The following AFF3 variants were observed in gnomAD, a reference collection of about 807,000 sequenced individuals.
AFF3 encodes the protein ALF transcription elongation factor 3.
A neutral mutation model predicts 129.7 loss-of-function variants in AFF3; 32 were observed. That is an observed-to-expected ratio of 0.25 (90% confidence interval 0.19 to 0.33). The LOEUF is 0.33. Ranked by LOEUF, AFF3 falls within the 10% of genes least tolerant of loss-of-function variation. AFF3 has a pLI of 1.00. For synonymous variants in AFF3, 644 were observed against 635.4 expected, an observed-to-expected ratio of 1.01 and a Z score of -0.20; for missense variants, 1,373 against 1,592.0, an observed-to-expected ratio of 0.86 and a Z score of 2.34.
rs954799223 is a variant in AFF3, at chr2:99,594,600, A to T, written c.1372-311T>A. Among the ~76,000 whole-genome samples the T allele has an allele frequency of 4.6e-5, 7 of 152,154 alleles. No individual in the cohort carries two copies. The South Asian group carries it at 6.2e-4, about 13-fold the overall frequency. On this transcript the variant is annotated intron_variant, in intron 14 of 24. Transcript: ENST00000672756. ...CTAGTACTTTTGAGTGTTAGTATAA[A>T]TTTTTTTATATAATTATATGTACAT...
At chr2:99,849,631 T>C (rs1690000141) in intron 7 of AFF3, among the ~76,000 whole-genome samples, 1 of 152,152 alleles carries the variant, frequency 6.6e-6, no homozygotes, top group African/African-American at 2.4e-5. Flanking sequence ...CTGATCAGTA[T>C]ATAAATACGA....
Position 99,558,885 on chromosome 2 carries a change from T to C in AFF3, c.3275A>G (p.Asp1092Gly), listed in dbSNP as rs1444769442. The change falls in exon 22 of 25, where the codon GAC (aspartate) becomes GGC (glycine). Residue 1092 changes from aspartate (D) to glycine (G), a missense_variant. Physicochemically the swap from Asp to Gly is moderately conservative, Grantham distance 94 (BLOSUM62 -1). This residue lies in a region of AFF3 where 165 missense variants were observed against 234.0 expected (regional missense o/e 0.71). Coordinates refer to ENST00000672756, the MANE Select transcript of AFF3 (RefSeq NM_001386135.1). ...HAVKYSKALI[D>G]YFKNSSKAAQ... is the part of the protein sequence containing the mutation. ...TTCACTAGACAGTACCTTGAAATAGTCGATTAGTGCTTTTGAATACTTTAC... is the reference window on the plus strand; with the variant it reads ...TTCACTAGACAGTACCTTGAAATAGCCGATTAGTGCTTTTGAATACTTTAC... 5.6e-6 allele frequency: 9 copies of C among 1,613,912 alleles called. No homozygotes were observed. The highest frequency in any genetic ancestry group is 2.2e-5 in the South Asian group (2 of 91,070).
chr2:100,052,186 G>T (rs1241833453), intron 4 of AFF3, among the ~76,000 whole-genome samples: 1 of 152,168 alleles, frequency 6.6e-6, no homozygotes, highest in Non-Finnish European at 1.5e-5. Flanking sequence ...TTTTACCAAA[G>T]AACCTTAATC....
At chr2:99,792,675 A>C (rs553197007) in intron 8 of AFF3, among the ~76,000 whole-genome samples, 1 of 152,302 alleles carries the variant, frequency 6.6e-6, no homozygotes, top group African/African-American at 2.4e-5. Flanking sequence ...GTTCAGAGTT[A>C]AATATATCTT....
At chr2:99,628,986 T>G (rs942185056) in intron 13 of AFF3, among the ~76,000 whole-genome samples, 8 of 152,014 alleles carry the variant, frequency 5.3e-5, no homozygotes, top group African/African-American at 1.9e-4. Flanking sequence ...CCTCCCAAAG[T>G]GCTGGGACTA....
chr2:99,606,476 C>T (rs974113241), intron 13 of AFF3, among the ~76,000 whole-genome samples: 74 of 152,078 alleles, frequency 4.9e-4, no homozygotes, highest in African/African-American at 1.6e-3. Context: ...AGCACAGTGC[C>T]TGGCACATAA....
At chr2:99,729,623 TG>T (rs1449590100) in intron 10 of AFF3, among the ~76,000 whole-genome samples, 1 of 152,156 alleles carries the variant, frequency 6.6e-6, no homozygotes, top group Non-Finnish European at 1.5e-5. Flanking sequence ...TAACTTGAAA[TG>T]TTTAAGTGTA....
At chr2:99,824,899 G>A (rs534148089) in intron 8 of AFF3, among the ~76,000 whole-genome samples, 1 of 152,300 alleles carries the variant, frequency 6.6e-6, no homozygotes, top group African/African-American at 2.4e-5. Context: ...TCAAAAAACA[G>A]TTAATTTAGG....
At chr2:99,833,699 C>T (rs1032543223) in intron 8 of AFF3, among the ~76,000 whole-genome samples, 2 of 152,026 alleles carry the variant, frequency 1.3e-5, no homozygotes, top group African/African-American at 4.8e-5. Context: ...AATGTTAATG[C>T]CATTCTACGT....
chr2:99,906,223 C>T (rs981458213), intron 7 of AFF3, among the ~76,000 whole-genome samples: 4 of 152,226 alleles, frequency 2.6e-5, no homozygotes, highest in Admixed American at 6.5e-5. Flanking sequence ...CAGATATTCA[C>T]TTGATTGTCT....
chr2:99,920,280 T>C (rs1695764069), intron 7 of AFF3, among the ~76,000 whole-genome samples: 1 of 151,902 alleles, frequency 6.6e-6, no homozygotes, highest in African/African-American at 2.4e-5. Context: ...AAATCCCTCA[T>C]GAGCACAGAT....
In AFF3 at chr2:99,629,080, A is replaced by T. The variant is rs553899088; in HGVS notation, c.1184+20546T>A. 2.1e-3 allele frequency among the ~76,000 whole-genome samples: 317 copies of T among 151,980 alleles called. 1 individual carries two copies. The highest frequency in any genetic ancestry group is 3.6e-3 in the Non-Finnish European group (247 of 67,956). On this transcript the variant is annotated intron_variant, in intron 13 of 24. Transcript: ENST00000672756. ...ACCATGTTGGCCAGGCTGGTCTCAA[A>T]CTCTTGACCTCAAGTGATCCACCTG...
chr2:99,872,240 C>G (rs546148580), intron 7 of AFF3, among the ~76,000 whole-genome samples: 2 of 143,902 alleles, frequency 1.4e-5, no homozygotes, highest in African/African-American at 5.1e-5. Flanking sequence ...AAAGGGAAAA[C>G]GGCACATGGC....
chr2:99,736,904 C>T (rs1680311898), intron 10 of AFF3, among the ~76,000 whole-genome samples: 1 of 152,150 alleles, frequency 6.6e-6, no homozygotes, highest in South Asian at 2.1e-4. Context: ...GCCACCACGC[C>T]CGGCCTTTAA....
intron 7 of AFF3, among the ~76,000 whole-genome samples, chr2:99,877,274 G>A (rs545589432): frequency 6.6e-6 from 1 of 152,320 alleles, no homozygotes; most frequent in South Asian, 2.1e-4. Context: ...TGAGAAGTGG[G>A]ATTGAGGGGG....
chr2:100,104,766 C>T, intron 3 of AFF3: 12 of 929,496 alleles, frequency 1.3e-5, no homozygotes, highest in Non-Finnish European at 1.5e-5. Context: ...GCCCCTCCTC[C>T]CCTCCCTCGC....
chr2:99,691,257 T>C (rs1026127938), intron 11 of AFF3, among the ~76,000 whole-genome samples: 1 of 152,182 alleles, frequency 6.6e-6, no homozygotes, highest in Non-Finnish European at 1.5e-5. Flanking sequence ...TCCGCCCATG[T>C]GGAGGAAAAG....
chr2:100,082,979 C>T (rs986487499), intron 4 of AFF3, among the ~76,000 whole-genome samples: 1 of 152,090 alleles, frequency 6.6e-6, no homozygotes. Flanking sequence ...ACTCAGGAGG[C>T]TAAGGCAGGA....
intron 13 of AFF3, among the ~76,000 whole-genome samples, chr2:99,612,587 T>C (rs1681040453): frequency 6.6e-6 from 1 of 152,272 alleles, no homozygotes; most frequent in Non-Finnish European, 1.5e-5. Context: ...TGTGAGGTAA[T>C]GGGCTTTCCA....
Sources: allele counts gnomAD v4.1 joint callset (sites outside exome capture counted in the v4.1 genomes callset), GRCh38; gene constraint gnomAD v4.1.1; regional missense constraint gnomAD v4.1.1; transcripts MANE v1.5; gene names NCBI Gene and HGNC (gene_info 2026-07-23, HGNC 2026-07-21).